ITPRID1: variants seen among roughly 807,000 people sequenced by gnomAD.
ITPRID1 encodes the protein protein ITPRID1.
A neutral mutation model predicts 95.4 loss-of-function variants in ITPRID1; 96 were observed. The observed-to-expected ratio is 1.01, with a 90% CI of 0.85 to 1.19. The LOEUF (loss-of-function observed/expected upper bound fraction) is 1.19, where lower values mean the gene tolerates loss of function less well. ITPRID1 is among the 50% of genes most tolerant of loss of function. The pLI, the probability that ITPRID1 is intolerant of heterozygous loss-of-function variation, is 0.00. For synonymous variants in ITPRID1, 510 were observed against 453.6 expected, an observed-to-expected ratio of 1.12 and a Z score of -1.58; for missense variants, 1,339 against 1,252.9, an observed-to-expected ratio of 1.07 and a Z score of -1.04.
chr7:31,581,936 A>C (rs1583529017), intron 9 of ITPRID1, among the ~76,000 whole-genome samples: 1 of 152,188 alleles, frequency 6.6e-6, no homozygotes, highest in East Asian at 1.9e-4. Flanking sequence ...GTGAAGGATT[A>C]AAAAGAGAAA....
intron 10 of ITPRID1, among the ~76,000 whole-genome samples, chr7:31,640,263 T>C (rs1428647258): frequency 6.6e-6 from 1 of 152,228 alleles, no homozygotes; most frequent in Non-Finnish European, 1.5e-5. Flanking sequence ...TTCCAGGCTC[T>C]GGATGAGTAC....
chr7:31,608,191 A>G (rs1332579643), intron 10 of ITPRID1, among the ~76,000 whole-genome samples: 1 of 151,956 alleles, frequency 6.6e-6, no homozygotes, highest in African/African-American at 2.4e-5. Flanking sequence ...CTTATTTCTA[A>G]TCTCTCTAAG....
intron 10 of ITPRID1, among the ~76,000 whole-genome samples, chr7:31,623,318 C>T (rs991081814): frequency 1.3e-5 from 2 of 152,000 alleles, no homozygotes; most frequent in Non-Finnish European, 2.9e-5. Flanking sequence ...GAATTTTAGA[C>T]CAATATCCTT....
chr7:31,587,830 A>T (rs900086482), intron 10 of ITPRID1, among the ~76,000 whole-genome samples: 315 of 151,086 alleles, frequency 2.1e-3, no homozygotes, highest in Non-Finnish European at 3.6e-3. Flanking sequence ...CTCAGAAATA[A>T]CGCCGCATAT....
rs1448739805 is a variant in ITPRID1 at position 31,654,491 on chromosome 7, A to G, written c.*1662A>G. On this transcript the variant is annotated 3_prime_UTR_variant, in exon 15 of 15. Transcript: ENST00000615280. ...TCATATAATCTGATTTACGTTTTGA[A>G]GTCATGCTGGCTGCTTTATGGAGAA... 6.6e-6 allele frequency among the ~76,000 whole-genome samples: 1 copy of G among 152,160 alleles called. No individual in the cohort carries two copies. Among genetic ancestry groups the G allele is most frequent in the African/African-American group, 2.4e-5 (1 of 41,432 alleles).
At chr7:31,632,066 C>T (rs534573977) in intron 10 of ITPRID1, among the ~76,000 whole-genome samples, 39 of 152,302 alleles carry the variant, frequency 2.6e-4, no homozygotes, top group Non-Finnish European at 4.3e-4. Context: ...TTATTCTCTT[C>T]AGAATATTAA....
intron 10 of ITPRID1, among the ~76,000 whole-genome samples, chr7:31,625,159 T>C (rs1257700543): frequency 6.6e-6 from 1 of 152,092 alleles, no homozygotes; most frequent in Non-Finnish European, 1.5e-5. Context: ...ATAGGAACAC[T>C]TTTACATTGT....
chr7:31,616,363 A>AT (rs1156458582), intron 10 of ITPRID1, among the ~76,000 whole-genome samples: 1 of 152,130 alleles, frequency 6.6e-6, no homozygotes, highest in Non-Finnish European at 1.5e-5. Context: ...CAATAATCAG[A>AT]TTTTTAAATG....
chr7:31,540,515 AAC>A (rs1210652737), intron 1 of ITPRID1, among the ~76,000 whole-genome samples: 1 of 152,232 alleles, frequency 6.6e-6, no homozygotes, highest in Non-Finnish European at 1.5e-5. Context: ...TAGTTTTTGA[AAC>A]ACAATTTTCT....
chr7:31,627,418 G>A (rs556963838), intron 10 of ITPRID1, among the ~76,000 whole-genome samples: 1 of 152,256 alleles, frequency 6.6e-6, no homozygotes, highest in East Asian at 1.9e-4. Context: ...AGCTCTTTGG[G>A]AGGTCAAGGC....
At position 31,591,358 on chromosome 7, in the gene ITPRID1, G is replaced by A. The variant is rs184127898; in HGVS notation, c.1228+8167G>A. Among the ~76,000 whole-genome samples, 6 of 152,242 alleles carry A rather than the reference G, an allele frequency of 3.9e-5. No homozygotes were observed. In the East Asian group the frequency reaches 7.7e-4, roughly 20 times the overall value. Reference sequence around the variant, plus strand: ...TGCCATCTGATGAAACTACTGGCCCGGCTGTGAGACACACATATGCAGCCA... The same window carrying A: ...TGCCATCTGATGAAACTACTGGCCCAGCTGTGAGACACACATATGCAGCCA... On this transcript the variant is annotated intron_variant, in intron 10 of 14. Transcript: ENST00000615280.
intron 10 of ITPRID1, among the ~76,000 whole-genome samples, chr7:31,594,261 A>T (rs1583546676): frequency 1.3e-5 from 2 of 152,158 alleles, no homozygotes; most frequent in Admixed American, 1.3e-4. Context: ...AGTCCACTCT[A>T]TGATATTCAA....
chr7:31,639,093 T>A (rs1738092021), intron 10 of ITPRID1, among the ~76,000 whole-genome samples: 1 of 152,132 alleles, frequency 6.6e-6, no homozygotes, highest in Non-Finnish European at 1.5e-5. Flanking sequence ...TTGATTTTCA[T>A]GTGCCTTGGT....
At chr7:31,536,234 T>C (rs1226693010) in intron 1 of ITPRID1, among the ~76,000 whole-genome samples, 1 of 152,174 alleles carries the variant, frequency 6.6e-6, no homozygotes, top group Admixed American at 6.5e-5. Context: ...TTTTATCCTC[T>C]GCTGTGTCCA....
chr7:31,523,498 G>A (rs1489616423), intron 1 of ITPRID1, among the ~76,000 whole-genome samples: 1 of 152,194 alleles, frequency 6.6e-6, no homozygotes. Flanking sequence ...GATATAGATT[G>A]AATACTTGTT....
chr7:31,593,019 A>G (rs945554525), intron 10 of ITPRID1, among the ~76,000 whole-genome samples: 2 of 152,174 alleles, frequency 1.3e-5, no homozygotes, highest in Admixed American at 1.3e-4. Flanking sequence ...AGAATTAACA[A>G]TCGCGCTGGG....
chr7:31,549,863 G>A (rs1172619941), intron 2 of ITPRID1, among the ~76,000 whole-genome samples: 1 of 152,126 alleles, frequency 6.6e-6, no homozygotes, highest in African/African-American at 2.4e-5. Context: ...TGTTTGGCAA[G>A]AAAACCTGTT....
intron 10 of ITPRID1, among the ~76,000 whole-genome samples, chr7:31,606,876 G>C (rs1786648821): frequency 6.6e-6 from 1 of 151,846 alleles, no homozygotes; most frequent in African/African-American, 2.4e-5. Flanking sequence ...TTTTTCAAGA[G>C]GTAAATTTTT....
rs1009906214 is a variant in ITPRID1 at position 31,514,130 on chromosome 7, G to A, written c.-98+10G>A. 8 of 152,262 alleles carry A rather than the reference G, an allele frequency of 5.3e-5. No individual in the cohort carries two copies. The highest frequency in any genetic ancestry group is 4.6e-4 in the Admixed American group (7 of 15,280). The allele number at this position is 152,262 out of a possible 1,614,324, so 9.4% of individuals were successfully genotyped here. On this transcript the variant is annotated intron_variant, in intron 1 of 14. Transcript: ENST00000615280. ...GGAGCTTTTGTGGCAGGTGGGTAGA[G>A]GCTGCTGGAGGGGGCTTTCATGATC...
Sources: gnomAD v4.1 joint callset for allele counts (sites outside exome capture counted in the v4.1 genomes callset) on GRCh38, gnomAD v4.1.1 for gene constraint, MANE v1.5 for transcripts, NCBI Gene and HGNC (gene_info 2026-07-23, HGNC 2026-07-21) for gene names.